The following SEMA3F variants were observed in gnomAD, a reference collection of about 807,000 sequenced individuals.
SEMA3F encodes semaphorin 3F, also known as semaphorin-3F.
In SEMA3F, 30 loss-of-function variants were observed where a neutral mutation model predicts 98.5. That is an observed-to-expected ratio of 0.30 (90% CI 0.23 to 0.41). SEMA3F has a LOEUF of 0.41. Ranked by LOEUF, SEMA3F falls within the 10% of genes least tolerant of loss-of-function variation. The pLI is 1.00. For synonymous variants in SEMA3F, 380 were observed against 444.8 expected (o/e 0.85, Z 1.83); for missense variants, 866 against 1,119.3 (o/e 0.77, Z 3.23).
chr3:50,186,130 C>A, intron 16 of SEMA3F, 84 bp downstream of exon 16: 1 of 1,492,884 alleles, frequency 6.7e-7, no homozygotes, highest in Non-Finnish European at 9.1e-7. Context: ...TGATATTACC[C>A]GGGGTGCATG....
rs899864817 is a variant in SEMA3F at position 50,158,491 on chromosome 3, C to T, written c.-48-1084C>T. Among the ~76,000 whole-genome samples, 5 of 152,196 alleles carry T rather than the reference C, an allele frequency of 3.3e-5. No individual in the cohort carries two copies. The highest frequency in any genetic ancestry group is 9.7e-5 in the African/African-American group (4 of 41,448). Reference sequence around the variant, plus strand: ...GACTGGAGCCTGGGCTTTGCCTCAGCATTGAGCAGCTATGGCAGGGGAGTC... The same window carrying T: ...GACTGGAGCCTGGGCTTTGCCTCAGTATTGAGCAGCTATGGCAGGGGAGTC... On this transcript the variant is annotated intron_variant, in intron 1 of 18. Coordinates refer to ENST00000002829, the MANE Select transcript of SEMA3F (RefSeq NM_004186.5). The surrounding 1 kb of genome is among the most constrained non-coding windows in gnomAD (Gnocchi z 4.8).
chr3:50,173,855 A>G lies in SEMA3F; in HGVS notation c.175A>G (p.Ile59Val). Residue 59 changes from isoleucine to valine, a missense_variant, in exon 3 of 19, where the codon ATC becomes GTC. This residue lies in a region of SEMA3F where 247 missense variants were observed against 276.0 expected (regional missense o/e 0.89). Transcript: ENST00000002829. ...CCTGCTCAACACAACCGACTACCGA[A>G]TCTTGCTCAAGGACGAGGACCACGA... ...NFLLNTTDYRILLKDEDHDRM... is the reference protein window; with the variant it reads ...NFLLNTTDYRVLLKDEDHDRM... 6.2e-7 allele frequency: 1 copy of G among 1,614,072 alleles called. No homozygotes were observed.
chr3:50,174,375 G>T, intron 5 of SEMA3F, 25 bp downstream of exon 5: 1 of 1,598,830 alleles, frequency 6.3e-7, no homozygotes, highest in South Asian at 1.1e-5. Context: ...CCCTGGCCCT[G>T]TGCTGCCCCC....
intron 2 of SEMA3F, chr3:50,173,457 G>A: frequency 6.8e-6 from 2 of 292,682 alleles, no homozygotes; most frequent in Non-Finnish European, 1.3e-5. Flanking sequence ...GGGTGACAGA[G>A]TGAGACTCCA....
In SEMA3F at chr3:50,185,474, G is replaced by A. The variant is rs1699176739; in HGVS notation, c.1488G>A (p.Leu496=). Residue 496 remains leucine (L), a synonymous_variant, in exon 14 of 19, where the codon CTG becomes CTA. Transcript: ENST00000002829. ...DRGTVQKVIV[L]PKDDQELEEL... is the part of the protein sequence containing the mutation. ...GGACAGTGCAGAAGGTCATTGTGCT[G>A]CCCAAGGATGACCAGGAGTTGGAGG... 6.2e-7 allele frequency: 1 copy of A among 1,613,884 alleles called. No individual in the cohort carries two copies. Among genetic ancestry groups the A allele is most frequent in the Non-Finnish European group, 8.5e-7 (1 of 1,179,928 alleles).
rs1697998653 is a variant in SEMA3F, at chr3:50,156,677, G to A, written c.-49+1113G>A. On this transcript the variant is annotated intron_variant, in intron 1 of 18. Coordinates refer to ENST00000002829, the MANE Select transcript of SEMA3F (RefSeq NM_004186.5). The surrounding 1 kb of genome is among the most constrained non-coding windows in gnomAD (Gnocchi z 4.5). The stretch of plus-strand genomic sequence containing the variant: ...GTGCCAGGACCCCGTAGGGTATAGT[G>A]TCTAGGCAGGCGGGGGGCACAGGCA... 6.6e-6 allele frequency among the ~76,000 whole-genome samples: 1 copy of A among 152,218 alleles called. No individual in the cohort carries two copies. The highest frequency in any genetic ancestry group is 1.5e-5 in the Non-Finnish European group (1 of 68,032).
rs763341077 is a variant in SEMA3F at position 50,187,824 on chromosome 3, C to T, written c.2067C>T (p.Val689=). The T allele has an allele frequency of 2.5e-6, 4 of 1,613,382 alleles. No homozygotes were observed. The highest frequency in any genetic ancestry group is 8.5e-7 in the Non-Finnish European group (1 of 1,180,018). ...CTGAGAACAACTTTAAGCACGTCGT[C>T]ACACGAGTGCAGCTGCATGTACTGG... ...TATENNFKHV[V]TRVQLHVLGR... The change falls in exon 19 of 19, where the codon GTC becomes GTT. Residue 689 remains valine (V), a synonymous_variant. Transcript: ENST00000002829.
At chr3:50,171,559 C>T (rs1047241834) in intron 2 of SEMA3F, among the ~76,000 whole-genome samples, 2 of 152,146 alleles carry the variant, frequency 1.3e-5, no homozygotes, top group African/African-American at 4.8e-5. Flanking sequence ...AAGGGCATGA[C>T]CGAGCCATGC....
At chr3:50,163,063 C>T (rs916451517) in intron 2 of SEMA3F, among the ~76,000 whole-genome samples, 3 of 152,304 alleles carry the variant, frequency 2.0e-5, no homozygotes, top group East Asian at 1.9e-4. Context: ...AGCCTGCATC[C>T]GCCTGATGCC....
chr3:50,183,398 G>T, intron 11 of SEMA3F, 22 bp from the exon 12 acceptor site: 3 of 1,613,452 alleles, frequency 1.9e-6, no homozygotes, highest in Admixed American at 1.7e-5. Flanking sequence ...GTCCTGCTCA[G>T]CAGCGCCTGC....
At chr3:50,157,941 T>G (rs180914502) in intron 1 of SEMA3F, among the ~76,000 whole-genome samples, 1 of 152,310 alleles carries the variant, frequency 6.6e-6, no homozygotes, top group East Asian at 1.9e-4. Context: ...GACGGCATCT[T>G]GCGCCAGGAC....
chr3:50,155,612 C>T lies in SEMA3F; in HGVS notation c.-49+48C>T, dbSNP rs1435916547. On this transcript the variant is annotated intron_variant, in intron 1 of 18. Coordinates refer to ENST00000002829, the MANE Select transcript of SEMA3F (RefSeq NM_004186.5). This position sits in a 1 kb window ranked among gnomAD's most constrained non-coding sequence, Gnocchi z 4.9. ...GGGAGCGGGCAGGCGGCCGGGCCAC[C>T]CCGCGACCCCTCTGGGACCCGCGGC... The T allele has an allele frequency of 3.8e-6, 1 of 262,308 alleles. No homozygotes were observed. The highest frequency in any genetic ancestry group is 7.2e-6 in the Non-Finnish European group (1 of 138,886). The allele number at this position is 262,308 out of a possible 1,614,324, so 16.2% of individuals were successfully genotyped here. A position where few individuals can be genotyped will look rare whatever the true frequency, so the allele number is the denominator to read the frequency against.
chr3:50,188,200 A>ATAT lies in SEMA3F; in HGVS notation c.*85_*86insTAT. 2.1e-5 allele frequency: 7 copies of ATAT among 338,154 alleles called. No homozygotes were observed. Among genetic ancestry groups the ATAT allele is most frequent in the East Asian group, 1.6e-4 (2 of 12,428 alleles). 20.9% of individuals were successfully genotyped at this position (338,154 alleles called of 1,614,324 possible). A position where few individuals can be genotyped will look rare whatever the true frequency, so the allele number is the denominator to read the frequency against. Reference sequence around the variant, plus strand: ...ATATATATATATATATATATATATAAAATATCTATATTCTATACACACCCT... The same window carrying ATAT: ...ATATATATATATATATATATATATAATATAATATCTATATTCTATACACACCCT... On this transcript the variant is annotated 3_prime_UTR_variant, in exon 19 of 19. Transcript: ENST00000002829. The surrounding 1 kb of genome is among the most constrained non-coding windows in gnomAD (Gnocchi z 4.5).
intron 2 of SEMA3F, among the ~76,000 whole-genome samples, chr3:50,172,258 T>C (rs1228078777): frequency 6.6e-6 from 1 of 152,210 alleles, no homozygotes; most frequent in Non-Finnish European, 1.5e-5. Flanking sequence ...CGTGTATACA[T>C]GCATGCACTC....
At position 50,174,095 on chromosome 3, in the gene SEMA3F, T is replaced by A; in HGVS notation, c.317T>A (p.Leu106His). 1 of 1,614,056 alleles carries A rather than the reference T, an allele frequency of 6.2e-7. No individual in the cohort carries two copies. The highest frequency in any genetic ancestry group is 8.5e-7 in the Non-Finnish European group (1 of 1,180,000). The stretch of plus-strand genomic sequence containing the variant: ...CCACAGCGCATCGAGGAATGCGTGC[T>A]CTCAGGCAAGGATGTCAACGTGAGT... ...ASPQRIEECV[L>H]SGKDVNGECG... The change falls in exon 4 of 19, where the codon CTC (leucine) becomes CAC (histidine). Residue 106 changes from leucine (L) to histidine (H), a missense_variant. Physicochemically the swap from Leu to His is moderately conservative, Grantham distance 99. Coordinates refer to ENST00000002829, the MANE Select transcript of SEMA3F (RefSeq NM_004186.5).
chr3:50,163,877 G>A (rs982961066), intron 2 of SEMA3F, among the ~76,000 whole-genome samples: 1 of 152,196 alleles, frequency 6.6e-6, no homozygotes, highest in Admixed American at 6.5e-5. Flanking sequence ...AGGGAGGAAG[G>A]AAGACCCAAA....
chr3:50,187,254 C>A (rs1341770040), intron 18 of SEMA3F, among the ~76,000 whole-genome samples: 1 of 152,060 alleles, frequency 6.6e-6, no homozygotes, highest in Non-Finnish European at 1.5e-5. Context: ...TGGTGAAACC[C>A]TCTCTCTACC....
intron 13 of SEMA3F, 105 bp downstream of exon 13, chr3:50,184,919 C>T: frequency 1.3e-6 from 1 of 772,912 alleles, no homozygotes; most frequent in Admixed American, 2.4e-5. Flanking sequence ...GCAAGCTCAT[C>T]AGAGTCACTT....
At chr3:50,173,978 C>A (rs201333607) in intron 3 of SEMA3F, 25 bp downstream of exon 3, 1 of 1,613,802 alleles carries the variant, frequency 6.2e-7, no homozygotes. Flanking sequence ...TGATGTGGGA[C>A]GTGGGGTGGG....
Sources: gnomAD v4.1 joint callset for allele counts (sites outside exome capture counted in the v4.1 genomes callset) on GRCh38, gnomAD v4.1.1 for gene constraint, gnomAD v4.1.1 regional missense constraint, Gnocchi (gnomAD v3.1) non-coding constraint, MANE v1.5 for transcripts, NCBI Gene and HGNC (gene_info 2026-07-23, HGNC 2026-07-21) for gene names.